Variants in ARHGAP24 observed in about 807,000 individuals in gnomAD.
The protein encoded by ARHGAP24 is Rho GTPase activating protein 24, also known as rho GTPase-activating protein 24.
ARHGAP24 carries 50 observed loss-of-function variants against 76.4 expected under a neutral mutation model. The observed-to-expected ratio is 0.65, with a 90% CI of 0.52 to 0.83. The LOEUF is 0.83. ARHGAP24 is among the 40% of genes least tolerant of loss of function. ARHGAP24 has a pLI of 0.00. For synonymous variants in ARHGAP24, 345 were observed against 323.3 expected (o/e 1.07, Z -0.72); for missense variants, 930 against 914.2 (o/e 1.02, Z -0.22).
At chr4:85,849,931 A>C (rs1731123575) in intron 3 of ARHGAP24, among the ~76,000 whole-genome samples, 2 of 152,102 alleles carry the variant, frequency 1.3e-5, no homozygotes. Flanking sequence ...TTTCTCTGCC[A>C]GACTTTGGTA....
intron 5 of ARHGAP24, among the ~76,000 whole-genome samples, chr4:85,948,186 T>G (rs1737401415): frequency 6.6e-6 from 1 of 152,128 alleles, no homozygotes; most frequent in Non-Finnish European, 1.5e-5. Flanking sequence ...AGATCAATAG[T>G]TAAGTAGGTC....
At chr4:85,980,043 A>T (rs111416187) in intron 8 of ARHGAP24, among the ~76,000 whole-genome samples, 2,967 of 152,190 alleles carry the variant, frequency 0.019, 49 homozygotes, top group Middle Eastern at 0.051. Context: ...GTATGACAAG[A>T]TTTCTTAGGC....
chr4:85,839,531 A>G (rs77018512), intron 3 of ARHGAP24, among the ~76,000 whole-genome samples: 14,485 of 152,118 alleles, frequency 0.095, 804 homozygotes, highest in South Asian at 0.19. Context: ...GCTCACTGCA[A>G]CCTCTGCCTC....
intron 2 of ARHGAP24, among the ~76,000 whole-genome samples, chr4:85,662,410 G>C (rs1364331777): frequency 2.7e-5 from 4 of 150,848 alleles, no homozygotes; most frequent in Admixed American, 2.0e-4. Flanking sequence ...GTAGATTTTG[G>C]ATATTATCCC....
chr4:85,489,801 A>G (rs1723286216), intron 1 of ARHGAP24, among the ~76,000 whole-genome samples: 2 of 152,134 alleles, frequency 1.3e-5, no homozygotes, highest in African/African-American at 4.8e-5. Context: ...AAGCAAGAAT[A>G]GGACAGCAGT....
chr4:85,526,638 C>G (rs1560520214), intron 1 of ARHGAP24, among the ~76,000 whole-genome samples: 1 of 151,944 alleles, frequency 6.6e-6, no homozygotes, highest in Non-Finnish European at 1.5e-5. Flanking sequence ...ATAGTTGTTA[C>G]TATTTATCAA....
chr4:85,682,959 T>C (rs1723263014), intron 2 of ARHGAP24, among the ~76,000 whole-genome samples: 2 of 152,054 alleles, frequency 1.3e-5, no homozygotes, highest in Non-Finnish European at 2.9e-5. Context: ...AAAAATGATC[T>C]TTCTTTTGAC....
intron 3 of ARHGAP24, among the ~76,000 whole-genome samples, chr4:85,800,905 T>C (rs1728553177): frequency 1.3e-5 from 2 of 152,202 alleles, no homozygotes; most frequent in Admixed American, 6.5e-5. Flanking sequence ...AAGTTCTCAA[T>C]AGGAGAAAAA....
At chr4:85,956,797 A>G (rs1201172242) in intron 5 of ARHGAP24, among the ~76,000 whole-genome samples, 1 of 152,206 alleles carries the variant, frequency 6.6e-6, no homozygotes. Context: ...GCAGGCAGCA[A>G]AAAGCAGTGG....
At chr4:85,736,714 T>G (rs1280166094) in intron 3 of ARHGAP24, among the ~76,000 whole-genome samples, 1 of 152,148 alleles carries the variant, frequency 6.6e-6, no homozygotes, top group African/African-American at 2.4e-5. Context: ...GGAGAAGAGA[T>G]TTTTGTTTCT....
intron 3 of ARHGAP24, among the ~76,000 whole-genome samples, chr4:85,867,898 C>CATAT (rs113874290): frequency 0.44 from 46,523 of 106,370 alleles, 8,825 homozygotes; most frequent in Non-Finnish European, 0.59. Context: ...TGTGTGTGTA[C>CATAT]ATATATATAT....
chr4:85,896,767 T>G lies in ARHGAP24; in HGVS notation c.269-26881T>G, dbSNP rs568745566. ...TCATTCTTTCTGTTTGGGGAGCCTC[T>G]GTTGAATGTCCCATAAATGTGATAT... On this transcript the variant is annotated intron_variant, in intron 3 of 9. Coordinates refer to ENST00000395184, the MANE Select transcript of ARHGAP24 (RefSeq NM_001025616.3). Among the ~76,000 whole-genome samples, 5 of 152,276 alleles carry G rather than the reference T, an allele frequency of 3.3e-5. No individual in the cohort carries two copies. The South Asian group carries it at 1.0e-3, about 32-fold the overall frequency.
intron 2 of ARHGAP24, among the ~76,000 whole-genome samples, chr4:85,586,741 T>C (rs1008245079): frequency 1.3e-5 from 2 of 151,770 alleles, no homozygotes; most frequent in African/African-American, 4.8e-5. Flanking sequence ...CTACTAAAAA[T>C]ACAAAAATTA....
At chr4:85,847,138 C>G (rs1194311828) in intron 3 of ARHGAP24, among the ~76,000 whole-genome samples, 1 of 152,112 alleles carries the variant, frequency 6.6e-6, no homozygotes, top group African/African-American at 2.4e-5. Context: ...TATAATAATA[C>G]TTCAATATCT....
chr4:85,505,557 G>A (rs1446630458), intron 1 of ARHGAP24, among the ~76,000 whole-genome samples: 1 of 152,126 alleles, frequency 6.6e-6, no homozygotes, highest in African/African-American at 2.4e-5. Context: ...CTAATGCCAT[G>A]GTTTTCAGCT....
chr4:85,758,619 A>G (rs150973621), intron 3 of ARHGAP24, among the ~76,000 whole-genome samples: 1 of 152,202 alleles, frequency 6.6e-6, no homozygotes, highest in Non-Finnish European at 1.5e-5. Flanking sequence ...TGATCCTGGC[A>G]CCTCATTGCA....
intron 1 of ARHGAP24, among the ~76,000 whole-genome samples, chr4:85,564,924 GTATATATATATATATATATATATATA>G (rs3028011): frequency 0.14 from 7,554 of 53,368 alleles, 544 homozygotes; most frequent in South Asian, 0.17. Context: ...AACACACACG[GTATATATATATATATATATATATATA>G]TATATATATA....
chr4:85,952,462 GA>G (rs756171714), intron 5 of ARHGAP24, among the ~76,000 whole-genome samples: 44 of 152,292 alleles, frequency 2.9e-4, no homozygotes, highest in Non-Finnish European at 5.6e-4. Context: ...TTGGGATTTG[GA>G]AGATAATATT....
intron 2 of ARHGAP24, among the ~76,000 whole-genome samples, chr4:85,663,074 T>C (rs1722468866): frequency 6.6e-6 from 1 of 152,036 alleles, no homozygotes; most frequent in Non-Finnish European, 1.5e-5. Context: ...GGTAGCTTGA[T>C]GGGGATGGCA....
Sources: gnomAD v4.1 joint callset for allele counts (sites outside exome capture counted in the v4.1 genomes callset) on GRCh38, gnomAD v4.1.1 for gene constraint, MANE v1.5 for transcripts, NCBI Gene and HGNC (gene_info 2026-07-23, HGNC 2026-07-21) for gene names.